Variants in LRCH3 observed in about 807,000 individuals in gnomAD.
LRCH3 encodes leucine rich repeats and calponin homology domain containing 3.
LRCH3 carries 68 observed loss-of-function variants against 104.5 expected under a neutral mutation model. The observed-to-expected ratio is 0.65, with a 90% CI of 0.54 to 0.80. The LOEUF is 0.80. Ranked by LOEUF, LRCH3 falls within the 30% of genes least tolerant of loss-of-function variation. LRCH3 has a pLI of 0.00. For synonymous variants in LRCH3, 344 were observed against 361.3 expected (o/e 0.95, Z 0.54); for missense variants, 951 against 953.9 (o/e 1.00, Z 0.04).
At chr3:197,875,881 G>A (rs1324985294) in intron 20 of LRCH3, 106 bp downstream of exon 20, 3 of 683,368 alleles carry the variant, frequency 4.4e-6, no homozygotes, top group South Asian at 1.9e-5. Context: ...GAGCTAAGTC[G>A]ATCATAATTA....
In LRCH3 at chr3:197,883,522, G is replaced by A; in HGVS notation, c.2209-19G>A. On this transcript the variant is annotated intron_variant, in intron 20 of 20. Transcript: ENST00000425562. This position sits in a 1 kb window ranked among gnomAD's most constrained non-coding sequence, Gnocchi z 4.2. ...GATTTTCTTTTTTGTTTGTTTTCAT[G>A]TTACGTTGTCCCTTTCAGGAGCAAT... 3 of 1,527,480 alleles carry A rather than the reference G, an allele frequency of 2.0e-6. No individual in the cohort carries two copies. The highest frequency in any genetic ancestry group is 2.6e-6 in the Non-Finnish European group (3 of 1,143,126). 94.6% of individuals were successfully genotyped at this position (1,527,480 alleles called of 1,614,324 possible).
At position 197,815,192 on chromosome 3, in the gene LRCH3, A is replaced by G. The variant is rs185784862; in HGVS notation, c.407+140A>G. ...TGTATGTGCTCTTGGATATATTAACAGTATTTCCTATGTCCCTCCAGTTTC... is the reference window on the plus strand; with the variant it reads ...TGTATGTGCTCTTGGATATATTAACGGTATTTCCTATGTCCCTCCAGTTTC... On this transcript the variant is annotated intron_variant, in intron 2 of 20. Coordinates refer to ENST00000425562, the MANE Select transcript of LRCH3 (RefSeq NM_001365715.1). The G allele has an allele frequency of 2.6e-4, 128 of 492,938 alleles. No homozygotes were observed. In the East Asian group the frequency reaches 4.5e-3, roughly 17 times the overall value. 30.5% of individuals were successfully genotyped at this position (492,938 alleles called of 1,614,324 possible).
intron 17 of LRCH3, among the ~76,000 whole-genome samples, chr3:197,866,534 G>T (rs1437592239): frequency 6.6e-6 from 1 of 152,140 alleles, no homozygotes; most frequent in Non-Finnish European, 1.5e-5. Context: ...ATTGATAAAA[G>T]CTGTTTTCTT....
At chr3:197,871,552 T>C in intron 19 of LRCH3, 90 bp downstream of exon 19, 1 of 1,546,480 alleles carries the variant, frequency 6.5e-7, no homozygotes, top group South Asian at 1.2e-5. Context: ...GTGCTAGATA[T>C]TAAGGATACA....
rs1367479518 is a variant in LRCH3 at position 197,829,618 on chromosome 3, A to G, written c.832A>G (p.Lys278Glu). 6.2e-7 allele frequency: 1 copy of G among 1,613,506 alleles called. No homozygotes were observed. The highest frequency in any genetic ancestry group is 1.3e-5 in the African/African-American group (1 of 74,932). Reference protein sequence around the residue: ...IFKYLNIQACKIAPDLPDYDR... With the variant: ...IFKYLNIQACEIAPDLPDYDR... The stretch of plus-strand genomic sequence containing the variant: ...TAAATACCTGAACATACAAGCTTGT[A>G]AGATTGCTCCAGATCTGCCGGATTA... The change falls in exon 6 of 21, where the codon AAG becomes GAG. Residue 278 changes from lysine (K) to glutamate (E), a missense_variant. By Grantham distance (56) the Lys-to-Glu change is moderately conservative. Transcript: ENST00000425562.
At chr3:197,835,889 A>C in intron 9 of LRCH3, 67 bp downstream of exon 9, 1 of 1,522,308 alleles carries the variant, frequency 6.6e-7, no homozygotes, top group Non-Finnish European at 9.0e-7. Flanking sequence ...AATAGTATAA[A>C]GTTTTGTTAT....
At position 197,870,292 on chromosome 3, in the gene LRCH3, C is replaced by T. The variant is rs764922619; in HGVS notation, c.1992+14C>T. On this transcript the variant is annotated intron_variant, in intron 18 of 20. Coordinates refer to ENST00000425562, the MANE Select transcript of LRCH3 (RefSeq NM_001365715.1). ...CAACTGCGTAAAGTATGTACATTAC[C>T]TTTGATTTACACTTTTTCAGTATTA... 1 of 1,607,648 alleles carries T rather than the reference C, an allele frequency of 6.2e-7. No homozygotes were observed. The highest frequency in any genetic ancestry group is 2.2e-5 in the East Asian group (1 of 44,822).
chr3:197,864,164 G>C (rs184712252), intron 15 of LRCH3, among the ~76,000 whole-genome samples: 91 of 152,110 alleles, frequency 6.0e-4, no homozygotes, highest in Non-Finnish European at 2.9e-5. Context: ...AAATTAGCCA[G>C]GTGTGGTGGC....
In LRCH3 at chr3:197,885,688, C is replaced by G. The variant is rs1714145820; in HGVS notation, c.*2022C>G. 1 of 152,188 alleles carries G rather than the reference C, an allele frequency of 6.6e-6. No homozygotes were observed. The highest frequency in any genetic ancestry group is 2.1e-4 in the South Asian group (1 of 4,826). 9.4% of individuals were successfully genotyped at this position (152,188 alleles called of 1,614,324 possible). A position where few individuals can be genotyped will look rare whatever the true frequency, so the allele number is the denominator to read the frequency against. On this transcript the variant is annotated 3_prime_UTR_variant, in exon 21 of 21. Transcript: ENST00000425562. ...CAATGATGGGTGGAGGAAAAGGGCCCAAGGGCTCACACCGCACAGGAGCCT... is the reference window on the plus strand; with the variant it reads ...CAATGATGGGTGGAGGAAAAGGGCCGAAGGGCTCACACCGCACAGGAGCCT...
chr3:197,794,824 G>GT (rs1310474643), intron 1 of LRCH3, among the ~76,000 whole-genome samples: 1 of 152,072 alleles, frequency 6.6e-6, no homozygotes. Flanking sequence ...GGCTAACATG[G>GT]TGAAACCCGG....
At position 197,866,137 on chromosome 3, in the gene LRCH3, T is replaced by A. The variant is rs1209732944; in HGVS notation, c.1791T>A (p.Phe597Leu). The change falls in exon 17 of 21, where the codon TTT (phenylalanine) becomes TTA (leucine). Residue 597 changes from phenylalanine to leucine, a missense_variant. By Grantham distance (22) the Phe-to-Leu change is conservative. Coordinates refer to ENST00000425562, the MANE Select transcript of LRCH3 (RefSeq NM_001365715.1). ...ETVHHSPAYSFPAAIQRNQPQ... is the reference protein window; with the variant it reads ...ETVHHSPAYSLPAAIQRNQPQ... ...TTCATCATTCCCCTGCATATTCTTT[T>A]CCTGCTGCTATCCAGAGAAATCAGC... The A allele has an allele frequency of 6.2e-7, 1 of 1,613,980 alleles. No individual in the cohort carries two copies. The highest frequency in any genetic ancestry group is 1.7e-5 in the Admixed American group (1 of 60,018).
chr3:197,795,470 G>A (rs1361455264), intron 1 of LRCH3, among the ~76,000 whole-genome samples: 1 of 152,060 alleles, frequency 6.6e-6, no homozygotes, highest in Non-Finnish European at 1.5e-5. Context: ...TATTGAGAAA[G>A]AGGCATGCTT....
At chr3:197,792,592 TATATATATATATAAA>T (rs1730696260) in intron 1 of LRCH3, among the ~76,000 whole-genome samples, 1 of 73,042 alleles carries the variant, frequency 1.4e-5, no homozygotes, top group Non-Finnish European at 2.8e-5. Flanking sequence ...TATATATATA[TATATATATATATAAA>T]ATATACATAT....
chr3:197,859,653 A>G (rs1479561939), intron 15 of LRCH3, among the ~76,000 whole-genome samples: 2 of 152,222 alleles, frequency 1.3e-5, no homozygotes, highest in South Asian at 2.1e-4. Flanking sequence ...AAAATGATCA[A>G]TAATTCTCAC....
chr3:197,854,248 A>T lies in LRCH3; in HGVS notation c.1591-144A>T. On this transcript the variant is annotated intron_variant, in intron 13 of 20. Coordinates refer to ENST00000425562, the MANE Select transcript of LRCH3 (RefSeq NM_001365715.1). The surrounding 1 kb of genome is among the most constrained non-coding windows in gnomAD (Gnocchi z 4.5). ...GACTATTATAATGCATGAATTCCAG[A>T]TGATTGTGAATGTGGTCCTCTATGT... 5 of 723,482 alleles carry T rather than the reference A, an allele frequency of 6.9e-6. No homozygotes were observed. The highest frequency in any genetic ancestry group is 6.3e-5 in the South Asian group (4 of 63,864). The allele number at this position is 723,482 out of a possible 1,614,324, so 44.8% of individuals were successfully genotyped here. A position where few individuals can be genotyped will look rare whatever the true frequency, so the allele number is the denominator to read the frequency against.
At chr3:197,860,508 G>C (rs934541647) in intron 15 of LRCH3, among the ~76,000 whole-genome samples, 3 of 152,148 alleles carry the variant, frequency 2.0e-5, no homozygotes, top group African/African-American at 7.2e-5. Flanking sequence ...CAAGACTGCA[G>C]TGAGCTGTGA....
At chr3:197,797,894 A>C (rs960192462) in intron 1 of LRCH3, among the ~76,000 whole-genome samples, 5 of 148,542 alleles carry the variant, frequency 3.4e-5, no homozygotes, top group Admixed American at 6.7e-5. Flanking sequence ...AAAAAAAAAA[A>C]CAAAACCAGA....
chr3:197,801,050 A>C (rs564667748), intron 1 of LRCH3, among the ~76,000 whole-genome samples: 1 of 151,568 alleles, frequency 6.6e-6, no homozygotes, highest in South Asian at 2.1e-4. Flanking sequence ...AGCTGAGATC[A>C]CACCACAGCA....
rs1454705508 is a variant in LRCH3 at position 197,810,081 on chromosome 3, A to G, written c.263-4827A>G. On this transcript the variant is annotated intron_variant, in intron 1 of 20. Transcript: ENST00000425562. This position sits in a 1 kb window ranked among gnomAD's most constrained non-coding sequence, Gnocchi z 4.0. ...TGTTTTTTTCCAGTTTTTTTCTGAG[A>G]TATTTGGGTGGAATAGAGCAGTTAT... is the stretch of plus-strand genomic sequence containing the variant. Among the ~76,000 whole-genome samples, 1 of 151,966 alleles carries G rather than the reference A, an allele frequency of 6.6e-6. No homozygotes were observed. Among genetic ancestry groups the G allele is most frequent in the East Asian group, 1.9e-4 (1 of 5,172 alleles).
Sources: gnomAD v4.1 joint callset for allele counts (sites outside exome capture counted in the v4.1 genomes callset) on GRCh38, gnomAD v4.1.1 for gene constraint, Gnocchi (gnomAD v3.1) non-coding constraint, MANE v1.5 for transcripts, NCBI Gene and HGNC (gene_info 2026-07-23, HGNC 2026-07-21) for gene names.